RBFOX1: variants seen among roughly 807,000 people sequenced by gnomAD.
RBFOX1 encodes RNA binding fox-1 homolog 1.
A neutral mutation model predicts 57.7 loss-of-function variants in RBFOX1; 8 were observed. That is an observed-to-expected ratio of 0.14 (90% CI 0.08 to 0.25). The LOEUF is 0.25. Among genes scored for constraint, RBFOX1 ranks in the 10% least tolerant of loss-of-function variants. The pLI is 1.00. For missense variants in RBFOX1, 611 were observed against 548.5 expected, an observed-to-expected ratio of 1.11 and a Z score of -1.14; for synonymous variants, 326 against 222.4, an observed-to-expected ratio of 1.47 and a Z score of -4.15.
intron 1 of RBFOX1, among the ~76,000 whole-genome samples, chr16:5,242,988 GGGGTGGA>G (rs998290299): frequency 2.7e-5 from 4 of 148,766 alleles, no homozygotes; most frequent in South Asian, 2.2e-4. Flanking sequence ...GACGTGGTGG[GGGGTGGA>G]GGGTGGAGGG....
At chr16:5,970,507 G>A (rs2059940944) in intron 4 of RBFOX1, among the ~76,000 whole-genome samples, 1 of 152,096 alleles carries the variant, frequency 6.6e-6, no homozygotes, top group Non-Finnish European at 1.5e-5. Context: ...AAGCCAGAAT[G>A]CACGCTAATC....
At chr16:6,071,617 C>T (rs918575177) in intron 1 of RBFOX1, among the ~76,000 whole-genome samples, 24 of 152,260 alleles carry the variant, frequency 1.6e-4, no homozygotes, top group Admixed American at 1.2e-3. Context: ...ACTTAAAAAT[C>T]GATTAACACA....
At chr16:7,128,564 A>G (rs770784394) in intron 4 of RBFOX1, among the ~76,000 whole-genome samples, 4 of 152,172 alleles carry the variant, frequency 2.6e-5, no homozygotes, top group East Asian at 1.9e-4. Flanking sequence ...AGCTGGCACA[A>G]TTGTACATGC....
In RBFOX1 at chr16:7,566,858, T is replaced by C. The variant is rs139422836; in HGVS notation, c.271-12919T>C. ...GGAGCTTGTGAACTTTCTGAAATCG[T>C]ATGCAAAATTTAGGTGTATGTGTAT... On this transcript the variant is annotated intron_variant, in intron 5 of 15. Coordinates refer to ENST00000550418, the MANE Select transcript of RBFOX1 (RefSeq NM_018723.4). 3.4e-4 allele frequency among the ~76,000 whole-genome samples: 51 copies of C among 151,892 alleles called. 1 individual carries two copies. Among genetic ancestry groups the C allele is most frequent in the East Asian group, 1.2e-3 (6 of 5,178 alleles).
chr16:5,487,653 C>G (rs1365849231), intron 2 of RBFOX1, among the ~76,000 whole-genome samples: 1 of 152,154 alleles, frequency 6.6e-6, no homozygotes, highest in East Asian at 1.9e-4. Context: ...AAGATGAAAG[C>G]TAAAAAGCAA....
At chr16:7,103,890 A>G (rs1318939251) in intron 4 of RBFOX1, among the ~76,000 whole-genome samples, 1 of 152,166 alleles carries the variant, frequency 6.6e-6, no homozygotes, top group Non-Finnish European at 1.5e-5. Flanking sequence ...ACACACAAAC[A>G]GATGTTTCTG....
At chr16:7,435,444 G>T (rs1425342698) in intron 4 of RBFOX1, among the ~76,000 whole-genome samples, 1 of 152,164 alleles carries the variant, frequency 6.6e-6, no homozygotes, top group East Asian at 1.9e-4. Flanking sequence ...CTGAGGCAGT[G>T]CCTGTCTCAT....
chr16:6,804,495 C>G (rs990334989), intron 3 of RBFOX1, among the ~76,000 whole-genome samples: 7 of 152,070 alleles, frequency 4.6e-5, no homozygotes, highest in African/African-American at 1.7e-4. Flanking sequence ...CTCAACAGCT[C>G]TAGGTGCATA....
At chr16:5,574,491 C>T (rs1281182197) in intron 2 of RBFOX1, among the ~76,000 whole-genome samples, 1 of 151,698 alleles carries the variant, frequency 6.6e-6, no homozygotes, top group Non-Finnish European at 1.5e-5. Context: ...TCTTGGCTCA[C>T]TGCAACCTCC....
At chr16:7,433,196 A>G (rs1461448499) in intron 4 of RBFOX1, among the ~76,000 whole-genome samples, 1 of 152,116 alleles carries the variant, frequency 6.6e-6, no homozygotes, top group African/African-American at 2.4e-5. Context: ...AGTCTATAAA[A>G]TCTCTTGTCT....
At chr16:6,119,061 C>T (rs1426097124) in intron 1 of RBFOX1, among the ~76,000 whole-genome samples, 1 of 146,702 alleles carries the variant, frequency 6.8e-6, no homozygotes, top group African/African-American at 2.5e-5. Context: ...TTTGATCTTG[C>T]TTGCCATGGG....
At chr16:5,786,738 C>A (rs779472039) in intron 3 of RBFOX1, among the ~76,000 whole-genome samples, 6 of 152,192 alleles carry the variant, frequency 3.9e-5, no homozygotes, top group Non-Finnish European at 8.8e-5. Context: ...AGCCATTTCA[C>A]ATTTGACTGG....
chr16:6,951,990 T>G (rs2080865872), intron 3 of RBFOX1, among the ~76,000 whole-genome samples: 1 of 152,174 alleles, frequency 6.6e-6, no homozygotes, highest in Non-Finnish European at 1.5e-5. Context: ...CATGGCAACA[T>G]TACCAAAAAG....
intron 4 of RBFOX1, among the ~76,000 whole-genome samples, chr16:7,506,957 G>T (rs190871951): frequency 6.6e-6 from 1 of 152,142 alleles, no homozygotes; most frequent in Non-Finnish European, 1.5e-5. Context: ...GTGCATACAG[G>T]ACTTTCTAGA....
At chr16:6,819,421 C>T (rs577086991) in intron 3 of RBFOX1, among the ~76,000 whole-genome samples, 31 of 152,216 alleles carry the variant, frequency 2.0e-4, no homozygotes, top group South Asian at 8.3e-4. Flanking sequence ...TCTTCAGAAA[C>T]CAAAAGGTAG....
At chr16:6,879,719 G>C (rs1292945340) in intron 3 of RBFOX1, among the ~76,000 whole-genome samples, 1 of 152,168 alleles carries the variant, frequency 6.6e-6, no homozygotes, top group Non-Finnish European at 1.5e-5. Flanking sequence ...TTCTGTGGAA[G>C]TAAATTCTAC....
At chr16:7,142,677 G>A (rs8059265) in intron 4 of RBFOX1, among the ~76,000 whole-genome samples, 113,787 of 152,112 alleles carry the variant, frequency 0.75, 42,696 homozygotes, top group Middle Eastern at 0.8. Context: ...TATCTTGTTT[G>A]TATATACATG....
chr16:7,324,596 T>C (rs2143494730), intron 4 of RBFOX1, among the ~76,000 whole-genome samples: 1 of 152,344 alleles, frequency 6.6e-6, no homozygotes, highest in East Asian at 1.9e-4. Flanking sequence ...TTGATATTCT[T>C]AGATTTGCTC....
At chr16:6,616,517 A>C (rs1010564523) in intron 2 of RBFOX1, among the ~76,000 whole-genome samples, 1 of 152,182 alleles carries the variant, frequency 6.6e-6, no homozygotes, top group African/African-American at 2.4e-5. Context: ...TCTACTAAAA[A>C]TACAAAAAAT....
Sources: allele counts gnomAD v4.1 joint callset (sites outside exome capture counted in the v4.1 genomes callset), GRCh38; gene constraint gnomAD v4.1.1; transcripts MANE v1.5; gene names NCBI Gene and HGNC (gene_info 2026-07-23, HGNC 2026-07-21).